Variants in TRIM37 observed in about 807,000 individuals in gnomAD.
TRIM37 encodes tripartite motif containing 37.
In TRIM37, 80 loss-of-function variants were observed where a neutral mutation model predicts 129.8. That is an observed-to-expected ratio of 0.62 (90% CI 0.51 to 0.74). The LOEUF is 0.74. Among genes scored for constraint, TRIM37 ranks in the 30% least tolerant of loss-of-function variants. TRIM37 has a pLI of 0.00. For missense variants in TRIM37, 1,054 were observed against 1,176.5 expected, an observed-to-expected ratio of 0.90 and a Z score of 1.52; for synonymous variants, 389 against 387.1, an observed-to-expected ratio of 1.00 and a Z score of -0.06.
intron 24 of TRIM37, chr17:58,984,823 G>C (rs1259963137): frequency 6.6e-6 from 1 of 152,376 alleles, no homozygotes; most frequent in African/African-American, 2.4e-5. Flanking sequence ...ACATGAAATA[G>C]GGAACTCCAG....
chr17:59,047,055 G>T (rs2039889528), intron 16 of TRIM37, among the ~76,000 whole-genome samples: 2 of 151,732 alleles, frequency 1.3e-5, no homozygotes, highest in Admixed American at 1.3e-4. Context: ...TCGGGAGGCT[G>T]AGGCAGGAGA....
At chr17:58,975,487 A>T in the TRIM37 span, among the ~76,000 whole-genome samples, 5 of 152,224 alleles carry the variant, frequency 3.3e-5, no homozygotes, top group South Asian at 1.0e-3. Flanking sequence ...AATAATAAAA[A>T]ATAAACAATC....
intron 24 of TRIM37, among the ~76,000 whole-genome samples, chr17:58,991,619 G>T (rs2032417008): frequency 6.6e-6 from 1 of 152,090 alleles, no homozygotes; most frequent in Non-Finnish European, 1.5e-5. Context: ...TTCAGACCAG[G>T]ATCGCTCTGA....
At chr17:58,982,887 C>A in exon 25 of TRIM37, 1 of 1,569,426 alleles carries the variant, frequency 6.4e-7, no homozygotes, top group Non-Finnish European at 8.7e-7. Context: ...TCTTGTTAAC[C>A]CATCAGGTGC....
chr17:59,014,053 T>C (rs890959457), intron 21 of TRIM37, among the ~76,000 whole-genome samples: 1 of 152,072 alleles, frequency 6.6e-6, no homozygotes, highest in Non-Finnish European at 1.5e-5. Context: ...AATATCTCCA[T>C]AGCAAATAAA....
chr17:59,086,209 CTT>C lies in TRIM37; in HGVS notation c.281+2080_281+2081del, dbSNP rs1011063919. Among the ~76,000 whole-genome samples, 8 of 150,638 alleles carry C rather than the reference CTT, an allele frequency of 5.3e-5. No homozygotes were observed. The East Asian group carries it at 9.7e-4, about 18-fold the overall frequency. ...ATAATTAAAATGTTTTAAGTATTCT[CTT>C]GTTTATAAAGTAGACATACTCTTGC... On this transcript the variant is annotated intron_variant, in intron 4 of 23. Transcript: ENST00000262294.
intron 21 of TRIM37, among the ~76,000 whole-genome samples, chr17:59,014,911 C>CAA (rs754096852): frequency 3.0e-5 from 4 of 133,732 alleles, no homozygotes; most frequent in Admixed American, 7.6e-5. Context: ...CTAAAAATAC[C>CAA]AAAAAAAAAA....
chr17:59,026,021 C>A (rs1490142050), intron 19 of TRIM37, among the ~76,000 whole-genome samples: 1 of 152,092 alleles, frequency 6.6e-6, no homozygotes, highest in African/African-American at 2.4e-5. Context: ...CCTCACCAAC[C>A]CATCTTTATT....
intron 17 of TRIM37, among the ~76,000 whole-genome samples, chr17:59,033,236 TAGG>T (rs566095044): frequency 1.6e-4 from 24 of 152,272 alleles, no homozygotes; most frequent in Admixed American, 1.5e-3. Flanking sequence ...GGATATAACT[TAGG>T]AGGAAAGTTC....
rs2046012699 is a variant in TRIM37 at position 59,106,478 on chromosome 17, C to T, written c.-17G>A. The T allele has an allele frequency of 6.2e-7, 1 of 1,613,566 alleles. No homozygotes were observed. Among genetic ancestry groups the T allele is most frequent in the African/African-American group, 1.3e-5 (1 of 74,940 alleles). The stretch of plus-strand genomic sequence containing the variant: ...TTCATCCATTGCCTCCGGCTCTCGG[C>T]GGGGCCGCTGGCGACCCGCAGGCTC... On this transcript the variant is annotated 5_prime_UTR_variant, in exon 1 of 24. Coordinates refer to ENST00000262294, the MANE Select transcript of TRIM37 (RefSeq NM_015294.6).
intron 22 of TRIM37, among the ~76,000 whole-genome samples, chr17:59,009,750 C>T (rs549888151): frequency 3.3e-5 from 5 of 151,998 alleles, no homozygotes; most frequent in Non-Finnish European, 7.4e-5. Flanking sequence ...CCGGCCCTGG[C>T]CTTCCAATTT....
At chr17:59,002,015 A>C (rs1384641307) in intron 22 of TRIM37, among the ~76,000 whole-genome samples, 1 of 152,170 alleles carries the variant, frequency 6.6e-6, no homozygotes, top group Admixed American at 6.5e-5. Context: ...ACTTTTTTCC[A>C]AATCAAACAC....
downstream of TRIM37, among the ~76,000 whole-genome samples, chr17:58,978,059 A>G (rs1335606976): frequency 6.6e-6 from 1 of 152,202 alleles, no homozygotes; most frequent in Non-Finnish European, 1.5e-5. Flanking sequence ...AAGAGAACCT[A>G]TAACAGATAC....
chr17:59,092,034 T>C (rs1404730935), intron 2 of TRIM37, among the ~76,000 whole-genome samples: 1 of 151,884 alleles, frequency 6.6e-6, no homozygotes, highest in African/African-American at 2.4e-5. Flanking sequence ...TTACATACAT[T>C]ATAGACATGT....
At chr17:59,035,611 G>A (rs948393590) in intron 17 of TRIM37, among the ~76,000 whole-genome samples, 3 of 151,810 alleles carry the variant, frequency 2.0e-5, no homozygotes, top group East Asian at 2.0e-4. Context: ...TTAGCTGGCC[G>A]TGGTGGAGGG....
intron 22 of TRIM37, among the ~76,000 whole-genome samples, chr17:59,004,761 T>G (rs117360322): frequency 0.014 from 2,166 of 152,282 alleles, 26 homozygotes; most frequent in Non-Finnish European, 0.023. Flanking sequence ...TTTTAACTCT[T>G]AAAGAAATAA....
intron 4 of TRIM37, among the ~76,000 whole-genome samples, chr17:59,087,493 G>A (rs1224828071): frequency 6.8e-6 from 1 of 146,682 alleles, no homozygotes; most frequent in Admixed American, 6.8e-5. Context: ...TAAGAGATGG[G>A]TTCTTGCTAT....
Position 59,056,895 on chromosome 17 carries a change from T to C in TRIM37, c.1179A>G (p.Gln393=). ...GTTACCTTAAAATCACTGTATCATT[T>C]TGTGGATTCAAGTATCCTTCATTTG... ...LLANEGYLNP[Q]NDTVILRFQV... is the part of the protein sequence containing the mutation. Residue 393 remains glutamine (Q), a synonymous_variant, in exon 13 of 24, where the codon CAA becomes CAG. Coordinates refer to ENST00000262294, the MANE Select transcript of TRIM37 (RefSeq NM_015294.6). 8 of 1,613,820 alleles carry C rather than the reference T, an allele frequency of 5.0e-6. No homozygotes were observed. Among genetic ancestry groups the C allele is most frequent in the Non-Finnish European group, 6.8e-6 (8 of 1,179,890 alleles).
chr17:58,974,451 G>A, the TRIM37 span, among the ~76,000 whole-genome samples: 3 of 152,122 alleles, frequency 2.0e-5, no homozygotes, highest in South Asian at 2.1e-4. Context: ...GGTCTAAAAC[G>A]TAGAGATTAA....
Sources: gnomAD v4.1 joint callset for allele counts (sites outside exome capture counted in the v4.1 genomes callset) on GRCh38, gnomAD v4.1.1 for gene constraint, MANE v1.5 for transcripts, NCBI Gene and HGNC (gene_info 2026-07-23, HGNC 2026-07-21) for gene names.